The following MTUS2 variants were observed in gnomAD, a reference collection of about 807,000 sequenced individuals.
The protein encoded by MTUS2 is microtubule associated scaffold protein 2, also known as microtubule-associated tumor suppressor candidate 2.
In MTUS2, 40 loss-of-function variants were observed where a neutral mutation model predicts 114.1. The ratio of observed to expected loss-of-function variants is 0.35; its 90% CI spans 0.27 to 0.46. The LOEUF is 0.46. Among genes scored for constraint, MTUS2 ranks in the 20% least tolerant of loss-of-function variants. The pLI, the probability that MTUS2 is intolerant of heterozygous loss-of-function variation, is 1.00. For missense variants in MTUS2, 1,679 were observed against 1,705.4 expected, an observed-to-expected ratio of 0.98 and a Z score of 0.27; for synonymous variants, 688 against 672.0, an observed-to-expected ratio of 1.02 and a Z score of -0.37.
chr13:28,844,079 G>A (rs1056488131), intron 2 of MTUS2, among the ~76,000 whole-genome samples: 1 of 152,164 alleles, frequency 6.6e-6, no homozygotes, highest in Non-Finnish European at 1.5e-5. Context: ...TGTTGTATGA[G>A]TTATTGCTTC....
At chr13:29,289,090 T>C (rs1350770331) in intron 6 of MTUS2, among the ~76,000 whole-genome samples, 1 of 152,248 alleles carries the variant, frequency 6.6e-6, no homozygotes, top group Non-Finnish European at 1.5e-5. Flanking sequence ...ACCATGTAAC[T>C]GTAGAAGATT....
Position 29,061,611 on chromosome 13 carries a change from T to C in MTUS2, c.2446+27486T>C, listed in dbSNP as rs374212281. Among the ~76,000 whole-genome samples the C allele has an allele frequency of 9.9e-3, 1,508 of 152,304 alleles. 21 individuals are homozygous for C. Among genetic ancestry groups the C allele is most frequent in the African/African-American group, 0.035 (1,436 of 41,540 alleles). On this transcript the variant is annotated intron_variant, in intron 4 of 15. Transcript: ENST00000612955. Reference sequence around the variant, plus strand: ...ACCTCCCCAAACTTTGGTCTGTATCTTCAACTTACCATGATGGACAGCTTC... The same window carrying C: ...ACCTCCCCAAACTTTGGTCTGTATCCTCAACTTACCATGATGGACAGCTTC...
At chr13:29,392,235 C>T (rs11838506) in intron 8 of MTUS2, among the ~76,000 whole-genome samples, 5,862 of 152,088 alleles carry the variant, frequency 0.039, 400 homozygotes, top group African/African-American at 0.13. Flanking sequence ...CCCCTCTTCC[C>T]GCAGCCCCTG....
At position 29,193,395 on chromosome 13, in the gene MTUS2, A is replaced by G. The variant is rs982305638; in HGVS notation, c.2645-88309A>G. On this transcript the variant is annotated intron_variant, in intron 5 of 15. Transcript: ENST00000612955. ...ACTGTAGCTCTTAAGCAACTTCAGCAAAGTCTCAGGATACAAAATCAATGT... is the reference window on the plus strand; with the variant it reads ...ACTGTAGCTCTTAAGCAACTTCAGCGAAGTCTCAGGATACAAAATCAATGT... Among the ~76,000 whole-genome samples, 5 of 152,300 alleles carry G rather than the reference A, an allele frequency of 3.3e-5. No homozygotes were observed. The South Asian group carries it at 1.0e-3, about 32-fold the overall frequency.
At chr13:28,947,482 CAT>C (rs1404763181) in intron 2 of MTUS2, among the ~76,000 whole-genome samples, 5 of 152,218 alleles carry the variant, frequency 3.3e-5, no homozygotes, top group Admixed American at 3.3e-4. Context: ...TTGCGAATGA[CAT>C]ATTCATTTAC....
chr13:29,123,208 T>A (rs544256933), intron 5 of MTUS2, among the ~76,000 whole-genome samples: 12 of 152,320 alleles, frequency 7.9e-5, no homozygotes, highest in Non-Finnish European at 1.5e-4. Context: ...CCCTTTTGCT[T>A]CCTTTCACTG....
intron 5 of MTUS2, among the ~76,000 whole-genome samples, chr13:29,208,622 G>T (rs1895294464): frequency 6.6e-6 from 1 of 151,838 alleles, no homozygotes; most frequent in South Asian, 2.1e-4. Context: ...GGTTTTAATA[G>T]GTCGTATCAC....
At chr13:28,975,309 C>T (rs903812144) in intron 2 of MTUS2, among the ~76,000 whole-genome samples, 12 of 152,214 alleles carry the variant, frequency 7.9e-5, no homozygotes, top group African/African-American at 2.7e-4. Context: ...CCCTGCTTCC[C>T]GACTTGCTTC....
At position 29,108,526 on chromosome 13, in the gene MTUS2, C is replaced by A. The variant is rs376559121; in HGVS notation, c.2644+7556C>A. On this transcript the variant is annotated intron_variant, in intron 5 of 15. Transcript: ENST00000612955. ...ATTAGATTATCTGCTTACCCTTTCC[C>A]GATTCTACATTCTTTCAGCATATTC... Among the ~76,000 whole-genome samples, 44 of 152,310 alleles carry A rather than the reference C, an allele frequency of 2.9e-4. No homozygotes were observed. In the East Asian group the frequency reaches 7.7e-3, roughly 27 times the overall value.
At position 29,216,944 on chromosome 13, in the gene MTUS2, T is replaced by C. The variant is rs1012739027; in HGVS notation, c.2645-64760T>C. ...TTTGCATTTTTGATAGTGCCCATCCTAGTGGGTGTGAGGTGGCATCAGTAT... is the reference window on the plus strand; with the variant it reads ...TTTGCATTTTTGATAGTGCCCATCCCAGTGGGTGTGAGGTGGCATCAGTAT... On this transcript the variant is annotated intron_variant, in intron 5 of 15. Coordinates refer to ENST00000612955, the MANE Select transcript of MTUS2 (RefSeq NM_001033602.4). Among the ~76,000 whole-genome samples, 3 of 152,220 alleles carry C rather than the reference T, an allele frequency of 2.0e-5. No homozygotes were observed. In the East Asian group the frequency reaches 5.8e-4, roughly 29 times the overall value.
intron 8 of MTUS2, among the ~76,000 whole-genome samples, chr13:29,368,822 G>C (rs936980503): frequency 1.3e-5 from 2 of 152,160 alleles, no homozygotes; most frequent in Admixed American, 1.3e-4. Flanking sequence ...GCTCGGGGTG[G>C]TTTACATACA....
intron 8 of MTUS2, among the ~76,000 whole-genome samples, chr13:29,416,947 G>A (rs999424718): frequency 1.6e-4 from 25 of 152,162 alleles, no homozygotes; most frequent in African/African-American, 5.8e-4. Flanking sequence ...TCAATAGTAC[G>A]TTTCAATTAT....
intron 5 of MTUS2, among the ~76,000 whole-genome samples, chr13:29,231,918 C>T (rs2139362623): frequency 6.6e-6 from 1 of 152,246 alleles, no homozygotes; most frequent in South Asian, 2.1e-4. Context: ...ATTTTTATGG[C>T]ACATTCAGTA....
At chr13:29,422,416 G>A (rs1876172588) in intron 8 of MTUS2, among the ~76,000 whole-genome samples, 1 of 152,182 alleles carries the variant, frequency 6.6e-6, no homozygotes, top group South Asian at 2.1e-4. Context: ...CCGGGCATCT[G>A]TTGTCGATCA....
chr13:29,027,334 C>T lies in MTUS2; in HGVS notation c.2205+431C>T, dbSNP rs530280189. ...TTTCTACCTGGGAGTATCTCTTATT[C>T]GCATGCGTGAAGAACAGCAAATGAG... On this transcript the variant is annotated intron_variant, in intron 3 of 15. Coordinates refer to ENST00000612955, the MANE Select transcript of MTUS2 (RefSeq NM_001033602.4). Among the ~76,000 whole-genome samples the T allele has an allele frequency of 3.3e-5, 5 of 152,144 alleles. 1 individual carries two copies. The highest frequency in any genetic ancestry group is 1.9e-4 in the East Asian group (1 of 5,174).
chr13:29,185,321 G>A (rs566530592), intron 5 of MTUS2, among the ~76,000 whole-genome samples: 38 of 152,242 alleles, frequency 2.5e-4, no homozygotes, highest in African/African-American at 7.9e-4. Flanking sequence ...GCAAATGGGC[G>A]TCCCACAAGG....
chr13:29,345,550 T>C (rs1334064920), intron 7 of MTUS2, among the ~76,000 whole-genome samples: 3 of 151,910 alleles, frequency 2.0e-5, no homozygotes, highest in Non-Finnish European at 2.9e-5. Context: ...TCTGGAGATT[T>C]TTTCATCCAT....
At chr13:29,189,215 G>A (rs1054311583) in intron 5 of MTUS2, among the ~76,000 whole-genome samples, 4 of 152,236 alleles carry the variant, frequency 2.6e-5, no homozygotes, top group African/African-American at 9.6e-5. Flanking sequence ...AGAGGGAAGA[G>A]AATATTCAGG....
intron 5 of MTUS2, among the ~76,000 whole-genome samples, chr13:29,238,517 C>G (rs1295413652): frequency 2.0e-5 from 3 of 152,156 alleles, no homozygotes; most frequent in South Asian, 4.1e-4. Context: ...CCTAAAAGCT[C>G]AAGAATTTGG....
Sources: allele counts gnomAD v4.1 joint callset (sites outside exome capture counted in the v4.1 genomes callset), GRCh38; gene constraint gnomAD v4.1.1; transcripts MANE v1.5; gene names NCBI Gene and HGNC (gene_info 2026-07-23, HGNC 2026-07-21).